The following STK32B variants were observed in gnomAD, a reference collection of about 807,000 sequenced individuals.
STK32B encodes serine/threonine-protein kinase 32B.
A neutral mutation model predicts 52.6 loss-of-function variants in STK32B; 43 were observed. The ratio of observed to expected loss-of-function variants is 0.82; its 90% CI spans 0.64 to 1.05. The LOEUF is 1.05. Ranked by LOEUF, STK32B falls within the 50% of genes least tolerant of loss-of-function variation. The probability of loss-of-function intolerance (pLI) is 0.00; values close to 1 mark genes in which losing one functional copy is unlikely to be tolerated. For missense variants in STK32B, 621 were observed against 534.6 expected (o/e 1.16, Z -1.59); for synonymous variants, 238 against 204.3 (o/e 1.17, Z -1.41).
In STK32B at chr4:5,391,978, A is replaced by G. The variant is rs754778146; in HGVS notation, c.435-6229A>G. ...AAATCTGGAGTCTCGCACCAGCACC[A>G]TAGGCACCACAGGGCCATTAGGAGG... On this transcript the variant is annotated intron_variant, in intron 4 of 11. Transcript: ENST00000282908. Among the ~76,000 whole-genome samples, 60 of 152,320 alleles carry G rather than the reference A, an allele frequency of 3.9e-4. 1 individual carries two copies. The highest frequency in any genetic ancestry group is 2.1e-4 in the South Asian group (1 of 4,826).
intron 1 of STK32B, among the ~76,000 whole-genome samples, chr4:5,121,798 G>A (rs1196766368): frequency 2.0e-5 from 3 of 150,690 alleles, no homozygotes; most frequent in Non-Finnish European, 3.0e-5. Context: ...TGCTGTGACA[G>A]CTAAGGAGAC....
chr4:5,493,903 T>G (rs1192548493), intron 11 of STK32B, among the ~76,000 whole-genome samples: 1 of 152,288 alleles, frequency 6.6e-6, no homozygotes, highest in Non-Finnish European at 1.5e-5. Flanking sequence ...GTTAGTTTCT[T>G]AATCCTGAGT....
In STK32B at chr4:5,246,991, G is replaced by A. The variant is rs193290918; in HGVS notation, c.260+78541G>A. Among the ~76,000 whole-genome samples, 304 of 152,312 alleles carry A rather than the reference G, an allele frequency of 2.0e-3. 2 individuals are homozygous for A. Among genetic ancestry groups the A allele is most frequent in the African/African-American group, 7.0e-3 (289 of 41,580 alleles). On this transcript the variant is annotated intron_variant, in intron 3 of 11. Coordinates refer to ENST00000282908, the MANE Select transcript of STK32B (RefSeq NM_018401.3). ...GGTGCCGGTCCGCCCCTACTGGGGG[G>A]TACCTCCCTGTTAGGCTCCTTAGTG... is the stretch of plus-strand genomic sequence containing the variant.
intron 3 of STK32B, among the ~76,000 whole-genome samples, chr4:5,254,980 T>TATTATATATATA (rs1560264131): frequency 7.6e-6 from 1 of 131,942 alleles, no homozygotes; most frequent in African/African-American, 3.8e-5. Context: ...ATATATATGT[T>TATTATATATATA]TATTGAGCAT....
At chr4:5,239,412 A>G (rs535584095) in intron 3 of STK32B, among the ~76,000 whole-genome samples, 1 of 152,194 alleles carries the variant, frequency 6.6e-6, no homozygotes, top group East Asian at 1.9e-4. Flanking sequence ...TTTGTTCTCT[A>G]CCTGCAGACC....
At chr4:5,036,109 C>T in the STK32B span, among the ~76,000 whole-genome samples, 1 of 152,050 alleles carries the variant, frequency 6.6e-6, no homozygotes, top group Non-Finnish European at 1.5e-5. Flanking sequence ...GCTTTTTTAT[C>T]TATGCTTTCA....
chr4:5,249,912 C>T (rs1182703610), intron 3 of STK32B, among the ~76,000 whole-genome samples: 1 of 152,154 alleles, frequency 6.6e-6, no homozygotes, highest in South Asian at 2.1e-4. Flanking sequence ...TCACTCTCCT[C>T]CCACCCTCAA....
chr4:5,180,941 G>A (rs1285779291), intron 3 of STK32B, among the ~76,000 whole-genome samples: 1 of 152,168 alleles, frequency 6.6e-6, no homozygotes, highest in African/African-American at 2.4e-5. Flanking sequence ...ACTCTCTTGG[G>A]TTTAAGACAA....
chr4:5,100,406 C>T (rs938690307), intron 1 of STK32B, among the ~76,000 whole-genome samples: 2 of 140,034 alleles, frequency 1.4e-5, no homozygotes, highest in African/African-American at 5.5e-5. Flanking sequence ...TCTTTCCTTC[C>T]TCCCTCCCTC....
intron 1 of STK32B, among the ~76,000 whole-genome samples, chr4:5,123,111 G>A (rs1014446266): frequency 3.3e-5 from 5 of 152,084 alleles, no homozygotes; most frequent in Non-Finnish European, 5.9e-5. Context: ...CCCACAGAGT[G>A]GTTCTTCTTT....
At chr4:5,496,820 C>T (rs1475189683) in intron 11 of STK32B, among the ~76,000 whole-genome samples, 1 of 147,448 alleles carries the variant, frequency 6.8e-6, no homozygotes, top group East Asian at 2.0e-4. Context: ...AAAAAAAAAA[C>T]AGCATGAAGA....
intron 1 of STK32B, among the ~76,000 whole-genome samples, chr4:5,077,263 G>C (rs988904838): frequency 1.3e-5 from 2 of 152,040 alleles, no homozygotes; most frequent in African/African-American, 4.8e-5. Flanking sequence ...AGATAAAGCG[G>C]AATATCAGCA....
chr4:5,091,580 G>T (rs968605463), intron 1 of STK32B, among the ~76,000 whole-genome samples: 9 of 152,106 alleles, frequency 5.9e-5, no homozygotes, highest in Non-Finnish European at 1.0e-4. Context: ...AAATATTGGC[G>T]ATAATGTGGA....
intron 3 of STK32B, among the ~76,000 whole-genome samples, chr4:5,274,539 C>G (rs1431797676): frequency 3.3e-5 from 5 of 151,982 alleles, no homozygotes; most frequent in Non-Finnish European, 7.4e-5. Context: ...TCACACCTGA[C>G]CAATCAGAGA....
chr4:5,065,714 A>C (rs1161922573), intron 1 of STK32B, among the ~76,000 whole-genome samples: 1 of 152,162 alleles, frequency 6.6e-6, no homozygotes, highest in Non-Finnish European at 1.5e-5. Flanking sequence ...TTTTTATATG[A>C]CAGTGACTCA....
chr4:5,166,055 A>C (rs1718846727), intron 2 of STK32B, among the ~76,000 whole-genome samples: 1 of 152,140 alleles, frequency 6.6e-6, no homozygotes, highest in African/African-American at 2.4e-5. Context: ...TGGAGTCGGA[A>C]ATCAGGCTTC....
chr4:5,495,773 T>G (rs1472183241), intron 11 of STK32B, among the ~76,000 whole-genome samples: 1 of 152,216 alleles, frequency 6.6e-6, no homozygotes, highest in African/African-American at 2.4e-5. Flanking sequence ...GTCCTTTCTG[T>G]TTGTTAGTTT....
At chr4:5,162,192 G>T (rs1718499974) in intron 2 of STK32B, among the ~76,000 whole-genome samples, 1 of 152,204 alleles carries the variant, frequency 6.6e-6, no homozygotes, top group South Asian at 2.1e-4. Flanking sequence ...AGCCTGGGTT[G>T]CCTGAGCTGC....
chr4:5,170,246 GTATGTTA>G (rs1283247207), intron 3 of STK32B, among the ~76,000 whole-genome samples: 1 of 152,140 alleles, frequency 6.6e-6, no homozygotes, highest in Non-Finnish European at 1.5e-5. Flanking sequence ...CTTGTATGAT[GTATGTTA>G]AAGGAAAGGA....
Sources: allele counts gnomAD v4.1 joint callset (sites outside exome capture counted in the v4.1 genomes callset), GRCh38; gene constraint gnomAD v4.1.1; transcripts MANE v1.5; gene names NCBI Gene and HGNC (gene_info 2026-07-23, HGNC 2026-07-21).